The following RABL6 variants were observed in gnomAD, a reference collection of about 807,000 sequenced individuals.
The protein encoded by RABL6 is rab-like protein 6.
In RABL6, 28 loss-of-function variants were observed where a neutral mutation model predicts 72.9. The observed-to-expected ratio is 0.38, with a 90% confidence interval of 0.28 to 0.53. RABL6 has a LOEUF of 0.53. Among genes scored for constraint, RABL6 ranks in the 20% least tolerant of loss-of-function variants. RABL6 has a pLI of 0.80. For synonymous variants in RABL6, 477 were observed against 421.2 expected, an observed-to-expected ratio of 1.13 and a Z score of -1.62; for missense variants, 1,029 against 1,008.4, an observed-to-expected ratio of 1.02 and a Z score of -0.28.
In RABL6 at chr9:136,839,440, A is replaced by G. The variant is rs756638679; in HGVS notation, c.1712A>G (p.Asp571Gly). 2 of 1,612,574 alleles carry G rather than the reference A, an allele frequency of 1.2e-6. No individual in the cohort carries two copies. Among genetic ancestry groups the G allele is most frequent in the Non-Finnish European group, 1.7e-6 (2 of 1,179,730 alleles). ...GCACAAATGCTGTCCTTCGTCATGG[A>G]TGACCCCGACTTTGAGAGCGAGGGA... The part of the protein sequence containing the change: ...IAAQMLSFVM[D>G]DPDFESEGSD... Residue 571 changes from aspartate to glycine, a missense_variant, in exon 12 of 15, where the codon GAT becomes GGT. Physicochemically the swap from Asp to Gly is moderately conservative, Grantham distance 94 (BLOSUM62 -1). Around this residue, in one of 2 missense-constraint regions of RABL6, gnomAD observed 595 missense variants for 472.4 expected, o/e 1.26. Transcript: ENST00000311502.
Position 136,840,849 on chromosome 9 carries a change from C to T in RABL6, c.*327C>T. 1.3e-6 allele frequency: 2 copies of T among 1,543,714 alleles called. No individual in the cohort carries two copies. Among genetic ancestry groups the T allele is most frequent in the African/African-American group, 2.7e-5 (2 of 73,040 alleles). Reference sequence around the variant, plus strand: ...GGAGGGACCTGTGAGGGTCTGTTTACAGAGGCTGGGCAGGGGCCGCTTGGC... The same window carrying T: ...GGAGGGACCTGTGAGGGTCTGTTTATAGAGGCTGGGCAGGGGCCGCTTGGC... On this transcript the variant is annotated 3_prime_UTR_variant, in exon 15 of 15. Transcript: ENST00000311502.
At chr9:136,825,141 C>T (rs974307515) in intron 2 of RABL6, among the ~76,000 whole-genome samples, 5 of 152,302 alleles carry the variant, frequency 3.3e-5, no homozygotes, top group South Asian at 4.1e-4. Context: ...TGCGATGGTG[C>T]GGTGTGAGGC....
chr9:136,830,909 A>ACAGCG (rs1262544357), intron 5 of RABL6: 1 of 154,246 alleles, frequency 6.5e-6, no homozygotes, highest in African/African-American at 2.4e-5. Flanking sequence ...ACTGGCTCAG[A>ACAGCG]CAGCGGCTTC....
chr9:136,811,346 G>A (rs1479870439), intron 1 of RABL6, among the ~76,000 whole-genome samples: 2 of 152,050 alleles, frequency 1.3e-5, no homozygotes, highest in African/African-American at 4.8e-5. Context: ...TGCCGGGCGC[G>A]GTGGCTCACG....
chr9:136,812,452 G>A (rs1438149262), intron 1 of RABL6, among the ~76,000 whole-genome samples: 5 of 152,022 alleles, frequency 3.3e-5, no homozygotes, highest in Admixed American at 6.6e-5. Context: ...CCAGCTACTC[G>A]GGAGGCTGAG....
chr9:136,819,650 G>A (rs553370628), intron 1 of RABL6, among the ~76,000 whole-genome samples: 1 of 152,190 alleles, frequency 6.6e-6, no homozygotes, highest in African/African-American at 2.4e-5. Context: ...GTGCTACAGC[G>A]ACAGTGATGC....
intron 1 of RABL6, among the ~76,000 whole-genome samples, chr9:136,810,429 T>C (rs746483321): frequency 1.1e-4 from 16 of 152,250 alleles, no homozygotes; most frequent in Non-Finnish European, 1.8e-4. Context: ...TTTGAATTTG[T>C]ACCTAAATTA....
rs373338619 is a variant in RABL6, at chr9:136,841,103, G to A, written c.*581G>A. On this transcript the variant is annotated 3_prime_UTR_variant, in exon 15 of 15. Transcript: ENST00000311502. ...CCACAGTGGCCTCAGCTGCGCCCCC[G>A]CTCAGGTGAGCCCGAAGGCAGGAGC... 7.2e-5 allele frequency: 96 copies of A among 1,341,594 alleles called. No homozygotes were observed. In the African/African-American group the frequency reaches 8.6e-4, roughly 12 times the overall value. 83.1% of individuals were successfully genotyped at this position (1,341,594 alleles called of 1,614,324 possible). A position where few individuals can be genotyped will look rare whatever the true frequency, so the allele number is the denominator to read the frequency against.
intron 1 of RABL6, among the ~76,000 whole-genome samples, chr9:136,818,693 C>T (rs1848177120): frequency 6.6e-6 from 1 of 150,556 alleles, no homozygotes; most frequent in Non-Finnish European, 1.5e-5. Context: ...TGCAGTGAGC[C>T]AAGACTGCAT....
intron 1 of RABL6, chr9:136,809,390 G>T: frequency 3.9e-6 from 1 of 253,886 alleles, no homozygotes. Flanking sequence ...AGAGGAAGCT[G>T]CAGACCACTC....
In RABL6 at chr9:136,829,501, G is replaced by T; in HGVS notation, c.458+17G>T. 1 of 1,557,112 alleles carries T rather than the reference G, an allele frequency of 6.4e-7. No homozygotes were observed. The highest frequency in any genetic ancestry group is 8.7e-7 in the Non-Finnish European group (1 of 1,148,830). ...CAAGCAGTGGTAAGAGGGAGCTGGC[G>T]GGGGCAGCTGCCTGTGACTCTCACC... On this transcript the variant is annotated intron_variant, in intron 5 of 14. Coordinates refer to ENST00000311502, the MANE Select transcript of RABL6 (RefSeq NM_024718.5).
intron 1 of RABL6, among the ~76,000 whole-genome samples, chr9:136,817,584 G>A (rs1432443162): frequency 6.7e-6 from 1 of 150,076 alleles, no homozygotes; most frequent in African/African-American, 2.5e-5. Context: ...TGGGGAGGCC[G>A]ACGTGGGCTG....
rs1292284225 is a variant in RABL6 at position 136,840,397 on chromosome 9, C to T, written c.2065C>T (p.Arg689Ter). The change falls in exon 15 of 15, where the codon CGA becomes TGA. Residue 689 changes from arginine (R) to a stop codon, truncating the protein, a stop_gained. Coordinates refer to ENST00000311502, the MANE Select transcript of RABL6 (RefSeq NM_024718.5). LOFTEE classifies it low-confidence loss of function (END_TRUNC). ...KDKEEGKEER[R>*]RRQQRPPRSR... ...CAAGGAGGAGGGCAAGGAGGAGCGG[C>T]GACGGCGGCAGCAGCGGCCCCCGCG... The T allele has an allele frequency of 5.8e-6, 9 of 1,551,508 alleles. No homozygotes were observed. Among genetic ancestry groups the T allele is most frequent in the South Asian group, 1.2e-5 (1 of 84,332 alleles).
intron 7 of RABL6, 51 bp from the exon 8 acceptor site, chr9:136,835,691 A>G: frequency 6.7e-7 from 1 of 1,487,122 alleles, no homozygotes; most frequent in South Asian, 1.2e-5. Flanking sequence ...GGGCTGGGGC[A>G]CTCGCAGCAG....
At chr9:136,821,046 A>C (rs367881203) in intron 1 of RABL6, among the ~76,000 whole-genome samples, 38 of 152,214 alleles carry the variant, frequency 2.5e-4, no homozygotes, top group African/African-American at 9.2e-4. Flanking sequence ...CAGAAGCCAA[A>C]CTGGCCAGAT....
Position 136,831,874 on chromosome 9 carries a change from GCC to G in RABL6, c.599+15_599+16del. The stretch of plus-strand genomic sequence containing the variant: ...ACAACCTGGACAGGTGGGTGCGGTG[GCC>G]CTGCTCCCGAGGGACCCTGCCCGGT... On this transcript the variant is annotated intron_variant, in intron 6 of 14. Transcript: ENST00000311502. The G allele has an allele frequency of 6.2e-7, 1 of 1,602,588 alleles. No homozygotes were observed.
chr9:136,837,746 C>T (rs1457853584), intron 9 of RABL6, 84 bp downstream of exon 9: 13 of 1,543,398 alleles, frequency 8.4e-6, no homozygotes, highest in Admixed American at 3.9e-5. Context: ...GAGCGCTCCA[C>T]GCTTCTTCCT....
chr9:136,837,436 A>AGTG lies in RABL6; in HGVS notation c.904_906dup (p.Val302dup). 6.3e-7 allele frequency: 1 copy of AGTG among 1,577,426 alleles called. No individual in the cohort carries two copies. The highest frequency in any genetic ancestry group is 8.6e-7 in the Non-Finnish European group (1 of 1,163,650). On this transcript the variant is annotated inframe_insertion, in exon 9 of 15. Coordinates refer to ENST00000311502, the MANE Select transcript of RABL6 (RefSeq NM_024718.5). ...GCCCATCCCCGGGCTCCCAGTCACCAGTGGTGCCTGCAGGCGCTGTGTCCA... is the reference window on the plus strand; with the variant it reads ...GCCCATCCCCGGGCTCCCAGTCACCAGTGGTGGTGCCTGCAGGCGCTGTGTCCA...
chr9:136,835,178 A>G (rs933589025), intron 7 of RABL6: 1 of 152,104 alleles, frequency 6.6e-6, no homozygotes, highest in Non-Finnish European at 1.5e-5. Context: ...CAGCTGGATC[A>G]CCTGAGGTCA....
Sources: allele counts gnomAD v4.1 joint callset (sites outside exome capture counted in the v4.1 genomes callset), GRCh38; gene constraint gnomAD v4.1.1; regional missense constraint gnomAD v4.1.1; transcripts MANE v1.5; gene names NCBI Gene and HGNC (gene_info 2026-07-23, HGNC 2026-07-21).